LAMTOR3: variants seen among roughly 807,000 people sequenced by gnomAD.
LAMTOR3 encodes the protein late endosomal/lysosomal adaptor, MAPK and MTOR activator 3.
In LAMTOR3, 14 loss-of-function variants were observed where a neutral mutation model predicts 20.3. The ratio of observed to expected loss-of-function variants is 0.69; its 90% CI spans 0.46 to 1.08. The LOEUF is 1.08. Among genes scored for constraint, LAMTOR3 ranks in the 50% least tolerant of loss-of-function variants. LAMTOR3 has a pLI of 0.00. For missense variants in LAMTOR3, 125 were observed against 143.7 expected (o/e 0.87, Z 0.67); for synonymous variants, 40 against 49.4 (o/e 0.81, Z 0.80).
chr4:99,882,920 C>T (rs1270812613), intron 6 of LAMTOR3, among the ~76,000 whole-genome samples: 1 of 151,980 alleles, frequency 6.6e-6, no homozygotes, highest in Non-Finnish European at 1.5e-5. Flanking sequence ...AGGCTATCTG[C>T]CTCAAACAGA....
chr4:99,888,709 CA>C (rs1304542846), intron 3 of LAMTOR3, among the ~76,000 whole-genome samples: 2 of 152,154 alleles, frequency 1.3e-5, no homozygotes, highest in Non-Finnish European at 2.9e-5. Context: ...ATCCCATTGT[CA>C]AAAACTTTTA....
rs1489954628 is a variant in LAMTOR3, at chr4:99,881,385, T to G, written c.*609A>C. 4 of 152,076 alleles carry G rather than the reference T, an allele frequency of 2.6e-5. No individual in the cohort carries two copies. Among genetic ancestry groups the G allele is most frequent in the African/African-American group, 9.7e-5 (4 of 41,408 alleles). The allele number at this position is 152,076 out of a possible 1,614,324, so 9.4% of individuals were successfully genotyped here. ...AAAGCAGAGTTTGAGGAAAAAACAT[T>G]AGCTATAATTTTCATTTTCATTAAA... On this transcript the variant is annotated 3_prime_UTR_variant, in exon 7 of 7. Transcript: ENST00000499666.
chr4:99,889,405 AGGAATACTCT>A (rs565448274), intron 3 of LAMTOR3, among the ~76,000 whole-genome samples: 130 of 152,298 alleles, frequency 8.5e-4, no homozygotes, highest in African/African-American at 2.9e-3. Flanking sequence ...ACACCTACAA[AGGAATACTCT>A]GGAATACTCT....
chr4:99,887,341 G>A lies in LAMTOR3; in HGVS notation c.58C>T (p.His20Tyr). ...YKKLPSVEGL[H>Y]AIVVSDRDGV... ...TCTCTATCTGACACAACAATGGCAT[G>A]GAGCCCTTCAACACTAGAAAAAGAA... Residue 20 changes from histidine (H) to tyrosine (Y), a missense_variant, in exon 4 of 7, where the codon CAT (histidine) becomes TAT (tyrosine). By Grantham distance (83) the His-to-Tyr change is moderately conservative. This residue lies in a region of LAMTOR3 where 99 missense variants were observed against 96.0 expected (regional missense o/e 1.03). Transcript: ENST00000499666. The A allele has an allele frequency of 2.0e-6, 3 of 1,528,670 alleles. No homozygotes were observed. The highest frequency in any genetic ancestry group is 2.7e-6 in the Non-Finnish European group (3 of 1,129,104). The allele number at this position is 1,528,670 out of a possible 1,614,324, so 94.7% of individuals were successfully genotyped here.
intron 3 of LAMTOR3, 101 bp downstream of exon 3, chr4:99,891,899 C>T (rs922532325): frequency 1.4e-6 from 2 of 1,472,670 alleles, no homozygotes; most frequent in Non-Finnish European, 1.8e-6. Context: ...TAAAGGAAAT[C>T]TCAGAGATAC....
intron 4 of LAMTOR3, 31 bp downstream of exon 4, chr4:99,887,265 A>C (rs868165428): frequency 7.1e-7 from 1 of 1,416,388 alleles, no homozygotes; most frequent in Non-Finnish European, 9.7e-7. Context: ...AAAAGCAAAG[A>C]AGACATTTGC....
intron 5 of LAMTOR3, among the ~76,000 whole-genome samples, chr4:99,884,393 GC>G (rs1410362198): frequency 6.6e-6 from 1 of 152,086 alleles, no homozygotes; most frequent in Non-Finnish European, 1.5e-5. Flanking sequence ...TATCTCTAAA[GC>G]CCAACAGAAT....
chr4:99,891,097 G>C (rs1276018144), intron 3 of LAMTOR3, among the ~76,000 whole-genome samples: 1 of 152,124 alleles, frequency 6.6e-6, no homozygotes, highest in Non-Finnish European at 1.5e-5. Flanking sequence ...ATGCAATTTT[G>C]CTGTTTCTTC....
chr4:99,891,494 T>C (rs1206607079), intron 3 of LAMTOR3, among the ~76,000 whole-genome samples: 1 of 152,216 alleles, frequency 6.6e-6, no homozygotes, highest in East Asian at 1.9e-4. Context: ...ACCAGCCACA[T>C]CATTTCTTTC....
At chr4:99,891,855 C>A in intron 3 of LAMTOR3, 145 bp downstream of exon 3, 1 of 1,347,466 alleles carries the variant, frequency 7.4e-7, no homozygotes, top group South Asian at 1.6e-5. Context: ...GAAAATTTTC[C>A]AGAGGACGTG....
Position 99,881,886 on chromosome 4 carries a change from G to A in LAMTOR3, c.*108C>T. 1 of 740,358 alleles carries A rather than the reference G, an allele frequency of 1.4e-6. No individual in the cohort carries two copies. Among genetic ancestry groups the A allele is most frequent in the Non-Finnish European group, 2.3e-6 (1 of 432,864 alleles). 45.9% of individuals were successfully genotyped at this position (740,358 alleles called of 1,614,324 possible). The stretch of plus-strand genomic sequence containing the variant: ...TCTTTAGTATAAGTTGGAAAAAGGG[G>A]CCCTTTCTTGAGCACATGGATAAAA... On this transcript the variant is annotated 3_prime_UTR_variant, in exon 7 of 7. Coordinates refer to ENST00000499666, the MANE Select transcript of LAMTOR3 (RefSeq NM_021970.4).
intron 4 of LAMTOR3, among the ~76,000 whole-genome samples, chr4:99,885,896 A>G (rs1724917510): frequency 6.6e-6 from 1 of 152,194 alleles, no homozygotes; most frequent in Non-Finnish European, 1.5e-5. Context: ...GACTCTCACA[A>G]TTTTTTTAAA....
intron 3 of LAMTOR3, among the ~76,000 whole-genome samples, chr4:99,890,648 C>G (rs936974905): frequency 6.6e-6 from 1 of 151,294 alleles, no homozygotes; most frequent in Non-Finnish European, 1.5e-5. Flanking sequence ...ACTGACAGTA[C>G]TAATACCTTT....
intron 4 of LAMTOR3, among the ~76,000 whole-genome samples, chr4:99,886,939 C>T (rs934803985): frequency 8.0e-6 from 1 of 125,460 alleles, no homozygotes; most frequent in Admixed American, 8.1e-5. Context: ...TACACACACA[C>T]ATATATATAT....
chr4:99,884,093 C>T lies in LAMTOR3; in HGVS notation c.270G>A (p.Val90=). The T allele has an allele frequency of 8.1e-6, 13 of 1,612,224 alleles. No homozygotes were observed. The highest frequency in any genetic ancestry group is 1.1e-5 in the Non-Finnish European group (13 of 1,179,010). The part of the protein sequence containing the change: ...VVQFNRLPLV[V]SFIASSSANT... ...TGGCACTGCTGCTGGCTATGAAACT[C>T]ACCACCAAAGGTAAACGATTAAATT... The change falls in exon 6 of 7, where the codon GTG becomes GTA. Residue 90 remains valine, a synonymous_variant. Transcript: ENST00000499666.
intron 1 of LAMTOR3, 104 bp from the exon 2 acceptor site, chr4:99,894,104 C>T (rs769291918): frequency 9.3e-5 from 65 of 700,118 alleles, no homozygotes; most frequent in Non-Finnish European, 1.4e-4. Context: ...AGGTAAAACC[C>T]CCGCGGTTCT....
rs754470225 is a variant in LAMTOR3 at position 99,884,119 on chromosome 4, G to C, written c.244C>G (p.Gln82Glu). ...ACCACCAAAGGTAAACGATTAAATT[G>C]AACCACCTAAAAAGAAAATAAGAGC... ...ICYYNTYQVV[Q>E]FNRLPLVVSF... The change falls in exon 6 of 7, where the codon CAA becomes GAA. Residue 82 changes from glutamine to glutamate, a missense_variant. Gln to Glu is a conservative substitution (Grantham distance 29, BLOSUM62 2). Coordinates refer to ENST00000499666, the MANE Select transcript of LAMTOR3 (RefSeq NM_021970.4). 13 of 1,611,268 alleles carry C rather than the reference G, an allele frequency of 8.1e-6. No homozygotes were observed. In the Admixed American group the frequency reaches 1.5e-4, roughly 19 times the overall value.
rs1724775771 is a variant in LAMTOR3 at position 99,879,361 on chromosome 4, T to C, written c.*2633A>G. The stretch of plus-strand genomic sequence containing the variant: ...GAACTATGGGATAGTTTATCTATTA[T>C]ACCCCCTCAGAAATTTTAACAGTGG... On this transcript the variant is annotated 3_prime_UTR_variant, in exon 7 of 7. Coordinates refer to ENST00000499666, the MANE Select transcript of LAMTOR3 (RefSeq NM_021970.4). 6.6e-6 allele frequency: 1 copy of C among 152,198 alleles called. No homozygotes were observed. Among genetic ancestry groups the C allele is most frequent in the Non-Finnish European group, 1.5e-5 (1 of 68,028 alleles). 9.4% of individuals were successfully genotyped at this position (152,198 alleles called of 1,614,324 possible). A position where few individuals can be genotyped will look rare whatever the true frequency, so the allele number is the denominator to read the frequency against.
intron 6 of LAMTOR3, 79 bp downstream of exon 6, chr4:99,883,983 C>T: frequency 1.9e-6 from 2 of 1,033,214 alleles, no homozygotes; most frequent in Non-Finnish European, 2.9e-6. Flanking sequence ...TCTACTATTC[C>T]TCTTAAATTA....
Sources: gnomAD v4.1 joint callset for allele counts (sites outside exome capture counted in the v4.1 genomes callset) on GRCh38, gnomAD v4.1.1 for gene constraint, gnomAD v4.1.1 regional missense constraint, MANE v1.5 for transcripts, NCBI Gene and HGNC (gene_info 2026-07-23, HGNC 2026-07-21) for gene names.